Variants in SLC28A1 observed in about 807,000 individuals in gnomAD.
The protein encoded by SLC28A1 is solute carrier family 28 member 1.
SLC28A1 carries 64 observed loss-of-function variants against 74.8 expected under a neutral mutation model. That is an observed-to-expected ratio of 0.86 (90% CI 0.70 to 1.05). The LOEUF (loss-of-function observed/expected upper bound fraction) is 1.05, where lower values mean the gene tolerates loss of function less well. Among genes scored for constraint, SLC28A1 ranks in the 50% least tolerant of loss-of-function variants. The pLI, the probability that SLC28A1 is intolerant of heterozygous loss-of-function variation, is 0.00. For missense variants in SLC28A1, 828 were observed against 822.8 expected (o/e 1.01, Z -0.08); for synonymous variants, 359 against 335.0 (o/e 1.07, Z -0.78).
chr15:84,967,067 C>T, the SLC28A1 span, among the ~76,000 whole-genome samples: 1 of 152,188 alleles, frequency 6.6e-6, no homozygotes, highest in Admixed American at 6.6e-5. Context: ...AGGCATGAGC[C>T]ACCATACCCA....
Position 84,944,746 on chromosome 15 carries a change from C to A in SLC28A1, c.1763-10C>A. The stretch of plus-strand genomic sequence containing the variant: ...GGGGCCCTGCCCCACCCACCACTTT[C>A]CCTCTACAGGGATCCTCTACATGCC... On this transcript the variant is annotated splice_polypyrimidine_tract_variant and intron_variant, in intron 17 of 18. Transcript: ENST00000394573. 1 of 1,611,202 alleles carries A rather than the reference C, an allele frequency of 6.2e-7. No homozygotes were observed. The highest frequency in any genetic ancestry group is 8.5e-7 in the Non-Finnish European group (1 of 1,177,306).
chr15:84,970,115 C>T, the SLC28A1 span, among the ~76,000 whole-genome samples: 2 of 152,334 alleles, frequency 1.3e-5, no homozygotes, highest in South Asian at 2.1e-4. Flanking sequence ...GGGACAGGGA[C>T]GCAAGTTCTT....
chr15:84,938,114 C>T (rs1265265517), intron 15 of SLC28A1, among the ~76,000 whole-genome samples: 1 of 149,898 alleles, frequency 6.7e-6, no homozygotes, highest in Non-Finnish European at 1.5e-5. Context: ...GCAAGAGACT[C>T]TCTTGAACCC....
intron 16 of SLC28A1, among the ~76,000 whole-genome samples, 182 bp from the exon 17 acceptor site, chr15:84,944,384 G>A (rs1973069710): frequency 1.3e-5 from 2 of 151,874 alleles, no homozygotes; most frequent in Admixed American, 6.6e-5. Flanking sequence ...CATTGCCTAG[G>A]GGTCCAAGCC....
chr15:84,944,722 G>T (rs1366184875), intron 17 of SLC28A1, 34 bp from the exon 18 acceptor site: 1 of 1,454,560 alleles, frequency 6.9e-7, no homozygotes, highest in East Asian at 2.5e-5. Context: ...GCTAGCCCGG[G>T]GGCCCTGCCC....
chr15:84,974,100 A>G, the SLC28A1 span, among the ~76,000 whole-genome samples: 1 of 152,202 alleles, frequency 6.6e-6, no homozygotes, highest in Non-Finnish European at 1.5e-5. Flanking sequence ...AAGGAGGGTC[A>G]CTTTGGATTA....
chr15:84,973,473 G>A, the SLC28A1 span, among the ~76,000 whole-genome samples: 37 of 152,182 alleles, frequency 2.4e-4, no homozygotes, highest in African/African-American at 8.4e-4. Flanking sequence ...CATGGCCAGG[G>A]AAGCGGCACA....
chr15:84,947,488 G>A (rs2079274457), downstream of SLC28A1, among the ~76,000 whole-genome samples: 1 of 152,220 alleles, frequency 6.6e-6, no homozygotes, highest in Non-Finnish European at 1.5e-5. Context: ...TGAATATAGG[G>A]CTCACACTGT....
At chr15:84,891,414 C>T (rs918508093) in intron 5 of SLC28A1, among the ~76,000 whole-genome samples, 8 of 152,096 alleles carry the variant, frequency 5.3e-5, no homozygotes, top group South Asian at 2.1e-4. Flanking sequence ...AGAGAACATG[C>T]GTGCAGAGGG....
chr15:84,906,136 C>T (rs1206654608), intron 8 of SLC28A1, among the ~76,000 whole-genome samples: 4 of 151,436 alleles, frequency 2.6e-5, no homozygotes, highest in Non-Finnish European at 4.4e-5. Context: ...TCTCCTGCCT[C>T]AGCCTGCCCA....
At chr15:84,945,919 A>T (rs2079186790), downstream of SLC28A1, 1 of 151,980 alleles carries the variant, frequency 6.6e-6, no homozygotes, top group African/African-American at 2.4e-5. Flanking sequence ...GAGTACAGTG[A>T]GGTGATCATG....
chr15:84,898,245 G>T (rs932457031), intron 6 of SLC28A1, among the ~76,000 whole-genome samples: 2 of 151,924 alleles, frequency 1.3e-5, no homozygotes, highest in African/African-American at 4.8e-5. Context: ...TGGGCAAATT[G>T]TATGACATGT....
In SLC28A1 at chr15:84,934,876, C is replaced by T. The variant is rs1437398551; in HGVS notation, c.1215-150C>T. On this transcript the variant is annotated intron_variant, in intron 13 of 18. Transcript: ENST00000394573. ...CCTGGATCTTATCCCGGTGCTTTGA[C>T]CAGCCCCTTTTTCTCTCTGGGTCTC... 4 of 730,700 alleles carry T rather than the reference C, an allele frequency of 5.5e-6. No individual in the cohort carries two copies. The Admixed American group carries it at 6.1e-5, about 11-fold the overall frequency. The allele number at this position is 730,700 out of a possible 1,614,324, so 45.3% of individuals were successfully genotyped here. A position where few individuals can be genotyped will look rare whatever the true frequency, so the allele number is the denominator to read the frequency against.
At chr15:84,957,333 C>T in the SLC28A1 span, among the ~76,000 whole-genome samples, 4 of 152,188 alleles carry the variant, frequency 2.6e-5, no homozygotes, top group African/African-American at 9.7e-5. Context: ...GTGGCGCAGT[C>T]TCCACTCACT....
intron 7 of SLC28A1, among the ~76,000 whole-genome samples, chr15:84,904,557 A>G (rs1966864605): frequency 6.6e-6 from 1 of 152,144 alleles, no homozygotes; most frequent in Admixed American, 6.5e-5. Flanking sequence ...CACAGAAAAC[A>G]CAGGCCAGAA....
At position 84,902,123 on chromosome 15, in the gene SLC28A1, G is replaced by C. The variant is rs115877656; in HGVS notation, c.462-1974G>C. Among the ~76,000 whole-genome samples the C allele has an allele frequency of 1.2e-3, 181 of 152,254 alleles. 1 individual carries two copies. Among genetic ancestry groups the C allele is most frequent in the African/African-American group, 4.1e-3 (172 of 41,554 alleles). On this transcript the variant is annotated intron_variant, in intron 6 of 18. Transcript: ENST00000394573. ...AGTCAAACAAAAAAGGACACGTACT[G>C]TATGGTTCTATTTATATAAACTTCT... is the stretch of plus-strand genomic sequence containing the variant.
At chr15:84,951,602 A>G in the SLC28A1 span, among the ~76,000 whole-genome samples, 2 of 152,116 alleles carry the variant, frequency 1.3e-5, no homozygotes, top group Non-Finnish European at 2.9e-5. Flanking sequence ...AGAATAAGAT[A>G]GGTGGCAAGA....
chr15:84,893,346 G>A (rs55832004), intron 5 of SLC28A1, among the ~76,000 whole-genome samples: 1,735 of 152,246 alleles, frequency 0.011, 13 homozygotes, highest in Non-Finnish European at 0.018. Flanking sequence ...CCCCATGGCC[G>A]GTGCCAGCAG....
At chr15:84,962,737 G>A in the SLC28A1 span, among the ~76,000 whole-genome samples, 2 of 152,182 alleles carry the variant, frequency 1.3e-5, no homozygotes, top group African/African-American at 4.8e-5. Flanking sequence ...GAAGAAGGGA[G>A]AGGAAAAGAT....
Sources: gnomAD v4.1 joint callset for allele counts (sites outside exome capture counted in the v4.1 genomes callset) on GRCh38, gnomAD v4.1.1 for gene constraint, MANE v1.5 for transcripts, NCBI Gene and HGNC (gene_info 2026-07-23, HGNC 2026-07-21) for gene names.